The following TTLL11 variants were observed in gnomAD, a reference collection of about 807,000 sequenced individuals.
The protein encoded by TTLL11 is tubulin polyglutamylase TTLL11.
Under a neutral mutation model 51.7 loss-of-function variants are expected in TTLL11, and 42 were observed. The observed-to-expected ratio is 0.81, with a 90% confidence interval of 0.64 to 1.05. The LOEUF (loss-of-function observed/expected upper bound fraction) is 1.05. Ranked by LOEUF, TTLL11 falls within the 50% of genes least tolerant of loss-of-function variation. The probability of loss-of-function intolerance (pLI) is 0.00; values close to 1 mark genes in which losing one functional copy is unlikely to be tolerated. For synonymous variants in TTLL11, 381 were observed against 383.5 expected (o/e 0.99, Z 0.08); for missense variants, 799 against 940.4 (o/e 0.85, Z 1.97).
In TTLL11 at chr9:121,822,879, C is replaced by T. The variant is rs1396725663; in HGVS notation, c.1841G>A (p.Gly614Glu). The T allele has an allele frequency of 3.2e-6, 5 of 1,547,838 alleles. No homozygotes were observed. Among genetic ancestry groups the T allele is most frequent in the South Asian group, 1.2e-5 (1 of 83,560 alleles). ...TTCTACGAAGGCCTGCAGACACATC[C>T]CTGTGAACAAAGAGACTGGATGAGG... ...NSMTLDQRDS[G>E]MCLQAFVEAF... The change falls in exon 9 of 9, where the codon GGG becomes GAG. Residue 614 changes from glycine to glutamate, a missense_variant and splice_region_variant. Transcript: ENST00000321582. This position sits in a 1 kb window ranked among gnomAD's most constrained non-coding sequence, Gnocchi z 5.8.
At chr9:121,850,177 TAGATAC>T (rs763762460) in intron 8 of TTLL11, among the ~76,000 whole-genome samples, 20 of 152,042 alleles carry the variant, frequency 1.3e-4, no homozygotes, top group Non-Finnish European at 2.4e-4. Context: ...GAGAGATAAA[TAGATAC>T]AGATGTAGAT....
At chr9:121,860,490 C>T (rs911118470) in intron 7 of TTLL11, 47 bp from the exon 8 acceptor site, 1 of 1,452,064 alleles carries the variant, frequency 6.9e-7, no homozygotes, top group African/African-American at 1.4e-5. Flanking sequence ...TGAAACCTGT[C>T]CTGTCTATCT....
At chr9:121,891,401 T>C (rs1237953460) in intron 6 of TTLL11, among the ~76,000 whole-genome samples, 1 of 152,190 alleles carries the variant, frequency 6.6e-6, no homozygotes, top group Non-Finnish European at 1.5e-5. Flanking sequence ...ATTTAACACC[T>C]AGCAGTTCAG....
At chr9:121,912,059 G>A (rs1840143275) in intron 6 of TTLL11, among the ~76,000 whole-genome samples, 1 of 152,198 alleles carries the variant, frequency 6.6e-6, no homozygotes, top group Non-Finnish European at 1.5e-5. Context: ...AGAAGCCCTG[G>A]CCTGGGCATT....
chr9:121,889,944 C>T (rs1014745186), intron 6 of TTLL11, among the ~76,000 whole-genome samples: 1 of 152,062 alleles, frequency 6.6e-6, no homozygotes, highest in Non-Finnish European at 1.5e-5. Context: ...AAAGTGGAAT[C>T]ATATAGTGTT....
intron 1 of TTLL11, among the ~76,000 whole-genome samples, chr9:122,043,476 A>C (rs1352822406): frequency 6.6e-6 from 1 of 152,220 alleles, no homozygotes; most frequent in Non-Finnish European, 1.5e-5. Context: ...CTTATACCAT[A>C]TACAAAAATT....
In TTLL11 at chr9:121,995,924, G is replaced by C. The variant is rs1026435789; in HGVS notation, c.694-6154C>G. ...CTCTCAAGCTCCGTGGTGAGCGCGG[G>C]AACCACGGGCCCGTGAGAAGTAGTG... On this transcript the variant is annotated intron_variant, in intron 3 of 8. Transcript: ENST00000321582. The surrounding 1 kb of genome is among the most constrained non-coding windows in gnomAD (Gnocchi z 4.4). Among the ~76,000 whole-genome samples, 41 of 152,176 alleles carry C rather than the reference G, an allele frequency of 2.7e-4. No individual in the cohort carries two copies. The highest frequency in any genetic ancestry group is 4.7e-4 in the Non-Finnish European group (32 of 68,032).
intron 1 of TTLL11, among the ~76,000 whole-genome samples, chr9:122,067,572 A>C (rs1845619437): frequency 6.6e-6 from 1 of 152,160 alleles, no homozygotes; most frequent in Non-Finnish European, 1.5e-5. Context: ...CCCAGGCTGG[A>C]GTGCAATGGC....
chr9:121,872,067 T>C (rs530085918), intron 6 of TTLL11, among the ~76,000 whole-genome samples: 1 of 152,382 alleles, frequency 6.6e-6, no homozygotes, highest in South Asian at 2.1e-4. Context: ...CGTCTCGTGG[T>C]ACTGAGACGT....
intron 1 of TTLL11, among the ~76,000 whole-genome samples, chr9:122,067,372 G>A (rs545627303): frequency 1.8e-4 from 27 of 152,108 alleles, no homozygotes; most frequent in Non-Finnish European, 1.3e-4. Context: ...TATGGGCTTC[G>A]GAAAGCTGGT....
intron 4 of TTLL11, among the ~76,000 whole-genome samples, chr9:121,975,935 G>A (rs548995576): frequency 4.6e-5 from 7 of 152,122 alleles, no homozygotes; most frequent in African/African-American, 1.7e-4. Context: ...TCATGACAGC[G>A]TATTTGAAGA....
chr9:121,826,557 G>GTATATATATATATATATATATGTGTA (rs1836807655), intron 8 of TTLL11, among the ~76,000 whole-genome samples: 1 of 51,346 alleles, frequency 1.9e-5, no homozygotes, highest in African/African-American at 7.1e-5. Context: ...ATATGTGTGT[G>GTATATATATATATATATATATGTGTA]TATATATATA....
At chr9:122,022,748 CTT>C in intron 3 of TTLL11, among the ~76,000 whole-genome samples, 1 of 152,024 alleles carries the variant, frequency 6.6e-6, no homozygotes. Flanking sequence ...ATTATTTCAT[CTT>C]GTTATTTAAA....
intron 8 of TTLL11, among the ~76,000 whole-genome samples, chr9:121,834,297 C>T (rs1837114697): frequency 6.6e-6 from 1 of 152,176 alleles, no homozygotes; most frequent in Admixed American, 6.5e-5. Flanking sequence ...GGACTCTACA[C>T]ATGGTAGATC....
At chr9:121,839,938 A>G (rs1837301091) in intron 8 of TTLL11, among the ~76,000 whole-genome samples, 1 of 152,228 alleles carries the variant, frequency 6.6e-6, no homozygotes, top group Non-Finnish European at 1.5e-5. Flanking sequence ...AGTGTCAAAA[A>G]TAAGACAGAG....
chr9:121,845,407 A>C (rs1837489687), intron 8 of TTLL11, among the ~76,000 whole-genome samples: 1 of 152,204 alleles, frequency 6.6e-6, no homozygotes, highest in South Asian at 2.1e-4. Flanking sequence ...CAAATATTTA[A>C]AAACAAATTT....
intron 6 of TTLL11, among the ~76,000 whole-genome samples, chr9:121,922,484 G>A (rs1160889285): frequency 6.6e-6 from 1 of 152,192 alleles, no homozygotes; most frequent in Non-Finnish European, 1.5e-5. Context: ...AGAGCAAGCT[G>A]ACCTTGGGCC....
chr9:121,892,764 A>T (rs953301158), intron 6 of TTLL11, among the ~76,000 whole-genome samples: 1 of 152,216 alleles, frequency 6.6e-6, no homozygotes, highest in African/African-American at 2.4e-5. Flanking sequence ...TCCCTGGAAA[A>T]TACCTCTGCC....
chr9:121,921,324 A>G (rs1840534974), intron 6 of TTLL11, among the ~76,000 whole-genome samples: 5 of 152,240 alleles, frequency 3.3e-5, no homozygotes, highest in Admixed American at 3.3e-4. Flanking sequence ...AGGCAGAGAT[A>G]CAAGTAATGT....
Sources: gnomAD v4.1 joint callset for allele counts (sites outside exome capture counted in the v4.1 genomes callset) on GRCh38, gnomAD v4.1.1 for gene constraint, Gnocchi (gnomAD v3.1) non-coding constraint, MANE v1.5 for transcripts, NCBI Gene and HGNC (gene_info 2026-07-23, HGNC 2026-07-21) for gene names.